The following C7 variants were observed in gnomAD, a reference collection of about 807,000 sequenced individuals.
C7 encodes complement C7, also known as complement component C7.
C7 carries 83 observed loss-of-function variants against 104.8 expected under a neutral mutation model. The observed-to-expected ratio is 0.79, with a 90% CI of 0.66 to 0.95. The LOEUF (loss-of-function observed/expected upper bound fraction) is 0.95. C7 is among the 40% of genes least tolerant of loss of function. The pLI is 0.00. For missense variants in C7, 1,070 were observed against 1,011.2 expected (o/e 1.06, Z -0.79); for synonymous variants, 415 against 360.6 (o/e 1.15, Z -1.71).
intron 1 of C7, among the ~76,000 whole-genome samples, chr5:40,925,169 G>T (rs996807274): frequency 2.0e-5 from 3 of 151,774 alleles, no homozygotes; most frequent in Non-Finnish European, 4.4e-5. Context: ...TCATTTCTTT[G>T]CTCTTAAATC....
chr5:40,955,248 C>A lies in C7; in HGVS notation c.1094-139C>A, dbSNP rs1016945454. On this transcript the variant is annotated intron_variant, in intron 9 of 17. Transcript: ENST00000313164. ...AAATATCCTTTGTGCTCTGCCTATTCATCCCTCCCTTCTTTCTGACCACAA... is the reference window on the plus strand; with the variant it reads ...AAATATCCTTTGTGCTCTGCCTATTAATCCCTCCCTTCTTTCTGACCACAA... 8 of 707,456 alleles carry A rather than the reference C, an allele frequency of 1.1e-5. No homozygotes were observed. The African/African-American group carries it at 1.3e-4, about 11-fold the overall frequency. 43.8% of individuals were successfully genotyped at this position (707,456 alleles called of 1,614,324 possible). A position where few individuals can be genotyped will look rare whatever the true frequency, so the allele number is the denominator to read the frequency against.
At chr5:40,971,151 G>T (rs1367329485) in intron 14 of C7, among the ~76,000 whole-genome samples, 3 of 152,124 alleles carry the variant, frequency 2.0e-5, no homozygotes, top group Non-Finnish European at 1.5e-5. Context: ...GATCCTTGAG[G>T]AATTGCCATA....
At chr5:40,959,649 G>C in intron 12 of C7, 29 bp downstream of exon 12, 1 of 1,533,316 alleles carries the variant, frequency 6.5e-7, no homozygotes. Flanking sequence ...CCTGGCAGTT[G>C]CATAGAACAC....
rs760116995 is a variant in C7, at chr5:40,947,562, T to G, written c.739-40T>G. The G allele has an allele frequency of 1.4e-5, 22 of 1,606,570 alleles. No individual in the cohort carries two copies. The South Asian group carries it at 2.4e-4, about 18-fold the overall frequency. ...GAACTATTTCCATTGCCTTTTTATC[T>G]TCCACCTAAAACTCCTTGTACTCTT... On this transcript the variant is annotated intron_variant, in intron 7 of 17. Transcript: ENST00000313164.
intron 8 of C7, among the ~76,000 whole-genome samples, chr5:40,949,697 C>T (rs779199952): frequency 9.9e-5 from 15 of 152,080 alleles, no homozygotes; most frequent in Non-Finnish European, 2.2e-4. Context: ...CTTCTGCCTC[C>T]CCTCTGAAGC....
At position 40,951,233 on chromosome 5, in the gene C7, TGTTAA is replaced by T. The variant is rs374584125; in HGVS notation, c.1093+1228_1093+1232del. The stretch of plus-strand genomic sequence containing the variant: ...TTAATGGGGTTATTTATTTTTTACT[TGTTAA>T]GTTAAGTTCCTTATATATTCTGAAT... On this transcript the variant is annotated intron_variant, in intron 9 of 17. Transcript: ENST00000313164. Among the ~76,000 whole-genome samples the T allele has an allele frequency of 5.3e-3, 809 of 152,248 alleles. 1 individual carries two copies. Among genetic ancestry groups the T allele is most frequent in the African/African-American group, 0.016 (670 of 41,542 alleles).
chr5:40,926,446 G>C (rs1323835425), intron 1 of C7, among the ~76,000 whole-genome samples: 1 of 152,122 alleles, frequency 6.6e-6, no homozygotes, highest in African/African-American at 2.4e-5. Context: ...GAAATGAAAG[G>C]CATTAAAATA....
intron 1 of C7, among the ~76,000 whole-genome samples, chr5:40,910,065 A>G (rs1037162029): frequency 6.6e-6 from 1 of 150,574 alleles, no homozygotes; most frequent in Admixed American, 6.7e-5. Context: ...GCAAATTTGC[A>G]GGCTTGGAAC....
In C7 at chr5:40,955,410, G is replaced by A; in HGVS notation, c.1117G>A (p.Gly373Arg). ...ASGTQNNVLR[G>R]EPFIRGGGAG... Reference sequence around the variant, plus strand: ...AGGAACCCAGAACAATGTATTGCGAGGAGAACCGTTCATCAGAGGGGGAGG... The same window carrying A: ...AGGAACCCAGAACAATGTATTGCGAAGAGAACCGTTCATCAGAGGGGGAGG... Residue 373 changes from glycine (G) to arginine (R), a missense_variant, in exon 10 of 18, where the codon GGA becomes AGA. Transcript: ENST00000313164. 2 of 1,610,422 alleles carry A rather than the reference G, an allele frequency of 1.2e-6. No individual in the cohort carries two copies. Among genetic ancestry groups the A allele is most frequent in the Middle Eastern group, 1.7e-4 (1 of 6,054 alleles).
In C7 at chr5:40,964,761, T is replaced by C. The variant is rs1236767064; in HGVS notation, c.1770T>C (p.Pro590=). 1.2e-6 allele frequency: 2 copies of C among 1,613,166 alleles called. No individual in the cohort carries two copies. The highest frequency in any genetic ancestry group is 1.7e-6 in the Non-Finnish European group (2 of 1,179,242). ...TTTAGGATGAAGGTACAATGTTTCCTGTGGGGAAAAATGTAGTGTACACTT... is the reference window on the plus strand; with the variant it reads ...TTTAGGATGAAGGTACAATGTTTCCCGTGGGGAAAAATGTAGTGTACACTT... ...GFVQDEGTMF[P]VGKNVVYTCN... The change falls in exon 14 of 18, where the codon CCT becomes CCC. Residue 590 remains proline (P), a synonymous_variant. Transcript: ENST00000313164.
rs1404996538 is a variant in C7, at chr5:40,982,199, AG to A, written c.*627del. On this transcript the variant is annotated 3_prime_UTR_variant, in exon 18 of 18. Transcript: ENST00000313164. ...CACTTTGTTGCCCAGGCTGGAGCGC[AG>A]TGGGGTGATCTCATCTCCCTGCAAC... 3 of 152,084 alleles carry A rather than the reference AG, an allele frequency of 2.0e-5. No individual in the cohort carries two copies. The highest frequency in any genetic ancestry group is 4.4e-5 in the Non-Finnish European group (3 of 68,034). The allele number at this position is 152,084 out of a possible 1,614,324, so 9.4% of individuals were successfully genotyped here. A position where few individuals can be genotyped will look rare whatever the true frequency, so the allele number is the denominator to read the frequency against.
chr5:40,924,561 C>G (rs1012942826), intron 1 of C7, among the ~76,000 whole-genome samples: 2 of 152,198 alleles, frequency 1.3e-5, no homozygotes, highest in Admixed American at 1.3e-4. Flanking sequence ...TCCAACCCTG[C>G]ATTTCCCCCT....
At chr5:40,947,315 G>T (rs1209394731) in intron 7 of C7, among the ~76,000 whole-genome samples, 2 of 151,732 alleles carry the variant, frequency 1.3e-5, no homozygotes, top group Non-Finnish European at 1.5e-5. Context: ...GGCCAGGCTG[G>T]TCTCAAGTGC....
chr5:40,930,227 A>C lies in C7; in HGVS notation c.63-837A>C, dbSNP rs1274306348. On this transcript the variant is annotated intron_variant, in intron 2 of 17. Coordinates refer to ENST00000313164, the MANE Select transcript of C7 (RefSeq NM_000587.4). ...CTCTTTTTTTTTTTTTTTTTTTGAGATGGAGTCGCCCTCTGTCACCCAGGC... is the reference window on the plus strand; with the variant it reads ...CTCTTTTTTTTTTTTTTTTTTTGAGCTGGAGTCGCCCTCTGTCACCCAGGC... 3.7e-5 allele frequency among the ~76,000 whole-genome samples: 4 copies of C among 108,328 alleles called. No homozygotes were observed. The Admixed American group carries it at 4.8e-4, about 13-fold the overall frequency. 71.1% of individuals were successfully genotyped at this position (108,328 alleles called of 152,430 possible).
chr5:40,928,518 C>A, intron 1 of C7, 62 bp from the exon 2 acceptor site: 3 of 919,960 alleles, frequency 3.3e-6, no homozygotes, highest in South Asian at 3.2e-5. Flanking sequence ...TATAAATTGT[C>A]AATTTATAGT....
In C7 at chr5:40,978,412, C is replaced by A. The variant is rs3805227; in HGVS notation, c.2166-1313C>A. ...GTCATTTTCATCCTCTTTCCAACTT[C>A]CCCATTTCATTTAGTTGATCTGCAG... On this transcript the variant is annotated intron_variant, in intron 16 of 17. Coordinates refer to ENST00000313164, the MANE Select transcript of C7 (RefSeq NM_000587.4). Among the ~76,000 whole-genome samples the A allele has an allele frequency of 9.2e-3, 1,402 of 152,254 alleles. 50 individuals carry two copies. In the East Asian group the frequency reaches 0.13, roughly 14 times the overall value.
chr5:40,973,334 T>G (rs924071260), intron 15 of C7, among the ~76,000 whole-genome samples: 45 of 152,194 alleles, frequency 3.0e-4, no homozygotes, highest in Admixed American at 5.9e-4. Context: ...AAAATGAGAA[T>G]GAAGAAAAAC....
At chr5:40,922,829 A>T (rs1739469495) in intron 1 of C7, among the ~76,000 whole-genome samples, 1 of 152,220 alleles carries the variant, frequency 6.6e-6, no homozygotes, top group Non-Finnish European at 1.5e-5. Flanking sequence ...AAAATAACTC[A>T]AAATGAATTA....
In C7 at chr5:40,945,386, G is replaced by T; in HGVS notation, c.738+18G>T. On this transcript the variant is annotated intron_variant, in intron 7 of 17. Transcript: ENST00000313164. ...AAGGAAAGGTTAGTATAAAATGTCA[G>T]TTAACTTTTCCATGTTTTACTTTTT... 1 of 1,528,068 alleles carries T rather than the reference G, an allele frequency of 6.5e-7. No homozygotes were observed. Among genetic ancestry groups the T allele is most frequent in the Non-Finnish European group, 8.8e-7 (1 of 1,135,282 alleles). The allele number at this position is 1,528,068 out of a possible 1,614,324, so 94.7% of individuals were successfully genotyped here.
Sources: gnomAD v4.1 joint callset for allele counts (sites outside exome capture counted in the v4.1 genomes callset) on GRCh38, gnomAD v4.1.1 for gene constraint, MANE v1.5 for transcripts, NCBI Gene and HGNC (gene_info 2026-07-23, HGNC 2026-07-21) for gene names.